DSCAM: variants seen among roughly 807,000 people sequenced by gnomAD.
The protein encoded by DSCAM is cell adhesion molecule DSCAM.
Under a neutral mutation model 217.7 loss-of-function variants are expected in DSCAM, and 47 were observed. The ratio of observed to expected loss-of-function variants is 0.22; its 90% CI spans 0.17 to 0.28. The LOEUF is 0.28. DSCAM is among the 10% of genes least tolerant of loss of function. DSCAM has a pLI of 1.00. For missense variants in DSCAM, 2,080 were observed against 2,618.3 expected (o/e 0.79, Z 4.49); for synonymous variants, 1,056 against 1,015.3 (o/e 1.04, Z -0.76).
chr21:40,453,693 CTTT>C (rs1231593886), intron 3 of DSCAM, among the ~76,000 whole-genome samples: 1 of 152,148 alleles, frequency 6.6e-6, no homozygotes. Flanking sequence ...TACAACTCTT[CTTT>C]TAAGAACAGA....
intron 11 of DSCAM, among the ~76,000 whole-genome samples, chr21:40,238,014 G>C (rs1325812726): frequency 1.3e-5 from 2 of 152,154 alleles, no homozygotes; most frequent in Non-Finnish European, 2.9e-5. Flanking sequence ...CTGGGGAGGG[G>C]GTGTATAGTT....
chr21:40,723,090 C>CTTTTTTTTT (rs3071003), intron 1 of DSCAM, among the ~76,000 whole-genome samples: 1 of 139,582 alleles, frequency 7.2e-6, no homozygotes, highest in Non-Finnish European at 1.6e-5. Context: ...CTCTCTCGCT[C>CTTTTTTTTT]TTTTTTTTTT....
At chr21:40,152,509 C>T (rs1299676516) in intron 16 of DSCAM, among the ~76,000 whole-genome samples, 1 of 152,192 alleles carries the variant, frequency 6.6e-6, no homozygotes, top group Non-Finnish European at 1.5e-5. Flanking sequence ...CCCTTCCTAG[C>T]CTGGCAGGTT....
intron 3 of DSCAM, among the ~76,000 whole-genome samples, chr21:40,371,626 C>T (rs1024623614): frequency 1.2e-4 from 19 of 152,268 alleles, no homozygotes; most frequent in African/African-American, 4.6e-4. Context: ...TCTCTAGGAA[C>T]ATTTTGTTCT....
rs567271234 is a variant in DSCAM at position 40,844,380 on chromosome 21, T to C, written c.43+2239A>G. ...AGGCTTTTAATGTTTTCATCCTTGA[T>C]CATATAAAGAGAGGGGCATTTTTAT... On this transcript the variant is annotated intron_variant, in intron 1 of 32. Coordinates refer to ENST00000400454, the MANE Select transcript of DSCAM (RefSeq NM_001389.5). Among the ~76,000 whole-genome samples the C allele has an allele frequency of 8.9e-4, 136 of 152,324 alleles. 1 individual carries two copies. Among genetic ancestry groups the C allele is most frequent in the African/African-American group, 2.8e-3 (118 of 41,576 alleles).
Position 40,780,423 on chromosome 21 carries a change from G to GTATATATATATATATATATA in DSCAM, c.43+66176_43+66195dup, listed in dbSNP as rs71186965. On this transcript the variant is annotated intron_variant, in intron 1 of 32. Transcript: ENST00000400454. ...CGTGTGTGTGTGTGTGTGTGTGTGT[G>GTATATATATATATATATATA]TATATATATATATATATATATATAT... Among the ~76,000 whole-genome samples, 231 of 56,236 alleles carry GTATATATATATATATATATA rather than the reference G, an allele frequency of 4.1e-3. 1 individual carries two copies. Among genetic ancestry groups the GTATATATATATATATATATA allele is most frequent in the African/African-American group, 0.011 (142 of 12,990 alleles). 36.9% of individuals were successfully genotyped at this position (56,236 alleles called of 152,430 possible). A position where few individuals can be genotyped will look rare whatever the true frequency, so the allele number is the denominator to read the frequency against.
chr21:40,805,886 T>C (rs1486338791), intron 1 of DSCAM, among the ~76,000 whole-genome samples: 1 of 151,918 alleles, frequency 6.6e-6, no homozygotes, highest in Admixed American at 6.6e-5. Flanking sequence ...TTTTTTTATA[T>C]TTTAGTAGAG....
At chr21:40,588,897 C>T (rs1158204487) in intron 3 of DSCAM, among the ~76,000 whole-genome samples, 1 of 152,040 alleles carries the variant, frequency 6.6e-6, no homozygotes, top group Non-Finnish European at 1.5e-5. Context: ...TTATGTGAAG[C>T]AAAATGAATC....
intron 29 of DSCAM, among the ~76,000 whole-genome samples, chr21:40,053,235 G>C (rs1287835443): frequency 6.6e-6 from 1 of 152,226 alleles, no homozygotes; most frequent in Admixed American, 6.5e-5. Context: ...CAGAGAAATA[G>C]AGGAAAGGCT....
intron 3 of DSCAM, among the ~76,000 whole-genome samples, chr21:40,525,622 C>A (rs186246452): frequency 7.2e-5 from 11 of 152,292 alleles, no homozygotes; most frequent in African/African-American, 2.6e-4. Flanking sequence ...CATCAAGAAG[C>A]CTTCTGTGCA....
intron 3 of DSCAM, among the ~76,000 whole-genome samples, chr21:40,420,198 A>T (rs1422245150): frequency 6.6e-6 from 1 of 151,314 alleles, no homozygotes; most frequent in Admixed American, 6.7e-5. Flanking sequence ...AAGCCCGGTG[A>T]GAAATTATAT....
intron 3 of DSCAM, among the ~76,000 whole-genome samples, chr21:40,433,916 G>T (rs925716005): frequency 6.6e-6 from 1 of 152,328 alleles, no homozygotes. Flanking sequence ...TGAAGTGGAC[G>T]ATGTCATCTG....
chr21:40,347,630 G>A, intron 6 of DSCAM, 40 bp downstream of exon 6: 1 of 1,610,390 alleles, frequency 6.2e-7, no homozygotes, highest in Non-Finnish European at 8.5e-7. Flanking sequence ...TCTGGGTTTG[G>A]GTTCTTTTTC....
rs559404629 is a variant in DSCAM at position 40,189,607 on chromosome 21, G to A, written c.2357-369C>T. On this transcript the variant is annotated intron_variant, in intron 11 of 32. Coordinates refer to ENST00000400454, the MANE Select transcript of DSCAM (RefSeq NM_001389.5). ...TAATTCATTCCCATGTTTCATGGGA[G>A]GAACCTGGTGGGGGGTAATTGAGTC... Among the ~76,000 whole-genome samples the A allele has an allele frequency of 1.3e-3, 202 of 152,286 alleles. 2 individuals carry two copies. In the South Asian group the frequency reaches 0.014, roughly 11 times the overall value.
chr21:40,332,577 C>A (rs532247466), intron 8 of DSCAM, among the ~76,000 whole-genome samples: 1 of 152,104 alleles, frequency 6.6e-6, no homozygotes, highest in African/African-American at 2.4e-5. Context: ...AATTAAGCAC[C>A]GTTCAAGTTC....
intron 3 of DSCAM, among the ~76,000 whole-genome samples, chr21:40,553,537 T>C (rs889072894): frequency 3.9e-5 from 6 of 152,234 alleles, no homozygotes; most frequent in African/African-American, 1.4e-4. Flanking sequence ...AAAATTCAGA[T>C]GTGTCTAACT....
At chr21:40,577,997 C>T (rs2076868553) in intron 3 of DSCAM, among the ~76,000 whole-genome samples, 2 of 152,118 alleles carry the variant, frequency 1.3e-5, no homozygotes, top group Admixed American at 1.3e-4. Context: ...CTATCTGGCT[C>T]TCTTAGCTAA....
At chr21:40,067,723 CATT>C (rs1340112987) in intron 27 of DSCAM, among the ~76,000 whole-genome samples, 128 of 64,712 alleles carry the variant, frequency 2.0e-3, no homozygotes, top group Middle Eastern at 9.6e-3. Context: ...CCCCTCCCCT[CATT>C]CCCTCCCTCC....
In DSCAM at chr21:40,550,638, C is replaced by T. The variant is rs370122909; in HGVS notation, c.508+142172G>A. ...CAAGGTATTCCGAACAAACACATTACGTCTTTGTGGATATTTCTCTAGAGT... is the reference window on the plus strand; with the variant it reads ...CAAGGTATTCCGAACAAACACATTATGTCTTTGTGGATATTTCTCTAGAGT... On this transcript the variant is annotated intron_variant, in intron 3 of 32. Coordinates refer to ENST00000400454, the MANE Select transcript of DSCAM (RefSeq NM_001389.5). Among the ~76,000 whole-genome samples, 4 of 152,198 alleles carry T rather than the reference C, an allele frequency of 2.6e-5. No homozygotes were observed. The South Asian group carries it at 6.2e-4, about 24-fold the overall frequency.
Sources: gnomAD v4.1 joint callset for allele counts (sites outside exome capture counted in the v4.1 genomes callset) on GRCh38, gnomAD v4.1.1 for gene constraint, MANE v1.5 for transcripts, NCBI Gene and HGNC (gene_info 2026-07-23, HGNC 2026-07-21) for gene names.